AKAP19: variants seen among roughly 807,000 people sequenced by gnomAD.
The protein encoded by AKAP19 is small A-kinase anchoring protein.
At chr2:190,058,444 G>A in the AKAP19 span, among the ~76,000 whole-genome samples, 1 of 151,884 alleles carries the variant, frequency 6.6e-6, no homozygotes, top group Admixed American at 6.6e-5. Context: ...TGTTATTTAA[G>A]ACTGTCAAAA....
At chr2:190,033,898 C>T in the AKAP19 span, among the ~76,000 whole-genome samples, 2,821 of 152,234 alleles carry the variant, frequency 0.019, 41 homozygotes, top group Middle Eastern at 0.034. Flanking sequence ...TCTCTCCCCG[C>T]TCATATCCAG....
At chr2:190,019,764 G>A in the AKAP19 span, among the ~76,000 whole-genome samples, 1 of 151,936 alleles carries the variant, frequency 6.6e-6, no homozygotes, top group African/African-American at 2.4e-5. Context: ...GTGGGCCCAG[G>A]ATTATCCTCT....
At chr2:190,158,998 A>G in the AKAP19 span, among the ~76,000 whole-genome samples, 1 of 152,190 alleles carries the variant, frequency 6.6e-6, no homozygotes, top group Non-Finnish European at 1.5e-5. Flanking sequence ...TTAGCAAGGG[A>G]TTAGGATTCC....
the AKAP19 span, among the ~76,000 whole-genome samples, chr2:189,953,526 C>T: frequency 1.3e-5 from 2 of 149,958 alleles, no homozygotes; most frequent in East Asian, 2.0e-4. Flanking sequence ...CCCAGCTACT[C>T]AGGAGGCTGA....
At chr2:189,956,177 C>CTTTTCTT in the AKAP19 span, among the ~76,000 whole-genome samples, 20 of 122,946 alleles carry the variant, frequency 1.6e-4, no homozygotes, top group East Asian at 4.2e-3. Flanking sequence ...TCTTTTTTTT[C>CTTTTCTT]TTTTTTTTTT....
At chr2:189,949,162 T>G in the AKAP19 span, among the ~76,000 whole-genome samples, 1 of 152,166 alleles carries the variant, frequency 6.6e-6, no homozygotes, top group Admixed American at 6.5e-5. Context: ...AAGCCGGCCC[T>G]CAGTATCTGC....
chr2:190,178,659 G>T, the AKAP19 span, among the ~76,000 whole-genome samples: 1 of 152,248 alleles, frequency 6.6e-6, no homozygotes, highest in Non-Finnish European at 1.5e-5. The surrounding 1 kb of genome is among the most constrained non-coding windows in gnomAD (Gnocchi z 6.3). Context: ...GCTTGGCTCG[G>T]TGTGTAGGCC....
chr2:190,076,350 G>T, the AKAP19 span, among the ~76,000 whole-genome samples: 1 of 152,042 alleles, frequency 6.6e-6, no homozygotes, highest in African/African-American at 2.4e-5. Flanking sequence ...TTCAAACATT[G>T]CCAAAAGTTT....
At chr2:189,968,308 G>A in the AKAP19 span, among the ~76,000 whole-genome samples, 3 of 152,194 alleles carry the variant, frequency 2.0e-5, no homozygotes, top group African/African-American at 7.2e-5. Context: ...CCTGATCATA[G>A]CTCTCTTTAG....
the AKAP19 span, among the ~76,000 whole-genome samples, chr2:189,973,740 C>A: frequency 1.9e-4 from 29 of 152,004 alleles, no homozygotes; most frequent in African/African-American, 6.3e-4. Context: ...GAATTTATCC[C>A]TTTCTTCTAG....
the AKAP19 span, among the ~76,000 whole-genome samples, chr2:190,065,134 A>T: frequency 6.6e-6 from 1 of 152,006 alleles, no homozygotes; most frequent in Non-Finnish European, 1.5e-5. Flanking sequence ...CCATGTTTTC[A>T]CATATTTTGT....
the AKAP19 span, among the ~76,000 whole-genome samples, chr2:189,975,406 C>G: frequency 3.3e-5 from 5 of 152,144 alleles, no homozygotes; most frequent in Admixed American, 2.6e-4. Flanking sequence ...CTCTGGCTGC[C>G]CTTAACGTTT....
chr2:190,173,014 C>T, the AKAP19 span, among the ~76,000 whole-genome samples: 1 of 152,012 alleles, frequency 6.6e-6, no homozygotes, highest in African/African-American at 2.4e-5. Flanking sequence ...ACTCCAGAGG[C>T]TGAGGCAGGA....
At chr2:189,970,608 T>G in the AKAP19 span, among the ~76,000 whole-genome samples, 1 of 152,218 alleles carries the variant, frequency 6.6e-6, no homozygotes, top group Admixed American at 6.5e-5. Flanking sequence ...GGTAATTTCA[T>G]AATCTGTTTT....
chr2:189,927,421 T>C, the AKAP19 span, among the ~76,000 whole-genome samples: 1 of 152,092 alleles, frequency 6.6e-6, no homozygotes, highest in East Asian at 1.9e-4. Context: ...AAGTGAAAAA[T>C]AGTGTACAAA....
the AKAP19 span, among the ~76,000 whole-genome samples, chr2:190,030,073 T>A: frequency 6.6e-6 from 1 of 152,230 alleles, no homozygotes; most frequent in Non-Finnish European, 1.5e-5. Flanking sequence ...CAAAGGGTTC[T>A]GAGATCTTGC....
the AKAP19 span, among the ~76,000 whole-genome samples, chr2:190,029,299 G>A: frequency 6.6e-6 from 1 of 151,980 alleles, no homozygotes; most frequent in Non-Finnish European, 1.5e-5. Context: ...TAATCTGCCC[G>A]CCTCGGCCTC....
the AKAP19 span, among the ~76,000 whole-genome samples, chr2:189,901,469 C>G: frequency 1.3e-5 from 2 of 152,108 alleles, no homozygotes. Context: ...TCCCGAGTAG[C>G]TGGGACTACA....
At chr2:190,126,016 G>C in the AKAP19 span, among the ~76,000 whole-genome samples, 2 of 151,610 alleles carry the variant, frequency 1.3e-5, no homozygotes, top group Non-Finnish European at 2.9e-5. Flanking sequence ...GTATAGGCTG[G>C]GCACAGTGGC....
Sources: allele counts gnomAD v4.1 joint callset (sites outside exome capture counted in the v4.1 genomes callset), GRCh38; gene constraint gnomAD v4.1.1; non-coding constraint Gnocchi (gnomAD v3.1); transcripts MANE v1.5; gene names NCBI Gene and HGNC (gene_info 2026-07-23, HGNC 2026-07-21).